Variants in FGGY observed in about 807,000 individuals in gnomAD.
The protein encoded by FGGY is FGGY carbohydrate kinase domain-containing protein.
In FGGY, 72 loss-of-function variants were observed where a neutral mutation model predicts 71.3. The observed-to-expected ratio is 1.01, with a 90% CI of 0.84 to 1.23. The LOEUF is 1.23. Among genes scored for constraint, FGGY ranks in the 50% most tolerant of loss-of-function variants. FGGY has a pLI of 0.00. For synonymous variants in FGGY, 251 were observed against 250.3 expected, an observed-to-expected ratio of 1.00 and a Z score of -0.02; for missense variants, 668 against 682.3, an observed-to-expected ratio of 0.98 and a Z score of 0.23.
At chr1:59,300,031 A>G (rs2042523695) in intron 1 of FGGY, among the ~76,000 whole-genome samples, 3 of 152,362 alleles carry the variant, frequency 2.0e-5, no homozygotes, top group Non-Finnish European at 2.9e-5. Flanking sequence ...TAGAGCTCAT[A>G]TCTAATGGAA....
chr1:59,416,711 G>C (rs903084012), intron 5 of FGGY, among the ~76,000 whole-genome samples: 3 of 152,164 alleles, frequency 2.0e-5, no homozygotes, highest in Admixed American at 1.3e-4. Flanking sequence ...CTTTGATGCT[G>C]GAAGAATTGG....
chr1:59,642,962 G>T (rs527616024), intron 11 of FGGY, among the ~76,000 whole-genome samples: 3 of 150,640 alleles, frequency 2.0e-5, no homozygotes, highest in African/African-American at 4.9e-5. Context: ...GAGAACCTGG[G>T]GGGTGGAGCT....
At chr1:59,367,546 A>G (rs769643399) in intron 4 of FGGY, among the ~76,000 whole-genome samples, 2 of 152,252 alleles carry the variant, frequency 1.3e-5, no homozygotes, top group Non-Finnish European at 2.9e-5. Flanking sequence ...CTCACAGCAG[A>G]TAACCCAGAT....
At position 59,669,540 on chromosome 1, in the gene FGGY, CTTTTTTTTT is replaced by C. The variant is rs58004594; in HGVS notation, c.1417+2154_1417+2162del. Among the ~76,000 whole-genome samples the C allele has an allele frequency of 8.6e-4, 88 of 102,516 alleles. 1 individual carries two copies. Among genetic ancestry groups the C allele is most frequent in the African/African-American group, 3.2e-3 (84 of 26,322 alleles). 67.3% of individuals were successfully genotyped at this position (102,516 alleles called of 152,430 possible). On this transcript the variant is annotated intron_variant, in intron 13 of 15. Transcript: ENST00000303721. ...CTGTGACATTCCAATTTCTAGACTT[CTTTTTTTTT>C]TTTTTTTTTTTTTTTTGTATTTTTT...
chr1:59,653,336 G>T (rs1390356231), intron 11 of FGGY, among the ~76,000 whole-genome samples: 1 of 152,218 alleles, frequency 6.6e-6, no homozygotes, highest in African/African-American at 2.4e-5. Context: ...GCAATGGCGG[G>T]CGCCCCTCCC....
intron 14 of FGGY, among the ~76,000 whole-genome samples, chr1:59,733,512 G>A (rs2098067587): frequency 6.6e-6 from 1 of 151,860 alleles, no homozygotes. Flanking sequence ...CATCTCAGGT[G>A]TAAATGCCAG....
intron 1 of FGGY, among the ~76,000 whole-genome samples, chr1:59,309,096 A>G (rs568456648): frequency 6.6e-6 from 1 of 152,252 alleles, no homozygotes; most frequent in Non-Finnish European, 1.5e-5. Context: ...TGGGTAAAAG[A>G]CTTGATTTTA....
At chr1:59,646,053 C>G (rs1290522940) in intron 11 of FGGY, among the ~76,000 whole-genome samples, 1 of 152,190 alleles carries the variant, frequency 6.6e-6, no homozygotes, top group Non-Finnish European at 1.5e-5. Flanking sequence ...TTCCAAGGGA[C>G]TGAATCCCAG....
At chr1:59,754,600 T>C (rs1202665895) in intron 14 of FGGY, 2 of 152,230 alleles carry the variant, frequency 1.3e-5, no homozygotes, top group African/African-American at 2.4e-5. Flanking sequence ...GTATTTTTAG[T>C]AGAGACGGGG....
intron 14 of FGGY, among the ~76,000 whole-genome samples, chr1:59,675,430 A>G (rs78523606): frequency 0.033 from 4,995 of 152,284 alleles, 118 homozygotes; most frequent in African/African-American, 0.066. Flanking sequence ...TAAAAGTGTG[A>G]TGCTGTTTGT....
chr1:59,417,619 G>A (rs1037308331), intron 5 of FGGY, among the ~76,000 whole-genome samples: 1 of 151,996 alleles, frequency 6.6e-6, no homozygotes, highest in African/African-American at 2.4e-5. Flanking sequence ...GTTATTTTTT[G>A]TTTGTTTTTA....
intron 14 of FGGY, chr1:59,697,813 T>A (rs1296439409): frequency 7.6e-6 from 6 of 790,224 alleles, no homozygotes; most frequent in Non-Finnish European, 1.0e-5. Flanking sequence ...CTTTGTTTCT[T>A]CTGCCCAAGG....
chr1:59,526,178 A>T (rs1293185526), intron 7 of FGGY, among the ~76,000 whole-genome samples: 2 of 152,220 alleles, frequency 1.3e-5, no homozygotes, highest in Non-Finnish European at 2.9e-5. Context: ...GTGGATATGC[A>T]TGCATGTGTT....
At chr1:59,458,675 T>TTAAGTTAATGGATTTTTAATGGATTTCC (rs2091931918) in intron 6 of FGGY, among the ~76,000 whole-genome samples, 1 of 152,180 alleles carries the variant, frequency 6.6e-6, no homozygotes, top group African/African-American at 2.4e-5. Flanking sequence ...TTTTTCCCTG[T>TTAAGTTAATGGATTTTTAATGGATTTCC]TAAGTTAATG....
intron 4 of FGGY, among the ~76,000 whole-genome samples, chr1:59,367,797 T>C (rs896880153): frequency 1.3e-5 from 2 of 152,214 alleles, no homozygotes; most frequent in Non-Finnish European, 2.9e-5. Context: ...CCTTGAATCT[T>C]GGACATACTG....
intron 5 of FGGY, among the ~76,000 whole-genome samples, chr1:59,438,408 C>T (rs1364827877): frequency 6.6e-6 from 1 of 152,218 alleles, no homozygotes; most frequent in Non-Finnish European, 1.5e-5. Context: ...ACAAATTCTG[C>T]AGAATTAGCC....
At chr1:59,735,505 A>G (rs1370926852) in intron 14 of FGGY, among the ~76,000 whole-genome samples, 1 of 152,200 alleles carries the variant, frequency 6.6e-6, no homozygotes, top group Non-Finnish European at 1.5e-5. Flanking sequence ...TCACCATTGA[A>G]TCCACTGTGC....
chr1:59,361,926 C>T (rs2055621795), intron 4 of FGGY, among the ~76,000 whole-genome samples: 1 of 152,152 alleles, frequency 6.6e-6, no homozygotes, highest in African/African-American at 2.4e-5. Context: ...CTTTCCGCCT[C>T]TCTTGGGTGG....
chr1:59,322,022 C>T (rs1336629304), intron 2 of FGGY, among the ~76,000 whole-genome samples: 1 of 152,176 alleles, frequency 6.6e-6, no homozygotes, highest in African/African-American at 2.4e-5. Context: ...GAGGTGTGAC[C>T]ACATGTGGAA....
Sources: gnomAD v4.1 joint callset for allele counts (sites outside exome capture counted in the v4.1 genomes callset) on GRCh38, gnomAD v4.1.1 for gene constraint, MANE v1.5 for transcripts, NCBI Gene and HGNC (gene_info 2026-07-23, HGNC 2026-07-21) for gene names.